The following MBNL3 variants were observed in gnomAD, a reference collection of about 807,000 sequenced individuals.
MBNL3 encodes muscleblind-like protein 3.
Under a neutral mutation model 24.5 loss-of-function variants are expected in MBNL3, and 6 were observed. That is an observed-to-expected ratio of 0.25 (90% CI 0.13 to 0.48). MBNL3 has a LOEUF of 0.48. MBNL3 is among the 20% of genes least tolerant of loss of function. The probability of loss-of-function intolerance (pLI) is 0.99; values close to 1 mark genes in which losing one functional copy is unlikely to be tolerated. For synonymous variants in MBNL3, 100 were observed against 101.7 expected (o/e 0.98, Z 0.10); for missense variants, 230 against 293.5 (o/e 0.78, Z 1.58).
intron 1 of MBNL3, among the ~76,000 whole-genome samples, chrX:132,457,144 C>A (rs756749579): frequency 9.0e-6 from 1 of 111,682 alleles, no homozygotes; most frequent in South Asian, 3.7e-4. Flanking sequence ...CTGTTGCTAA[C>A]TTGTAAATTT....
chrX:132,395,210 G>A (rs746967902), intron 3 of MBNL3, among the ~76,000 whole-genome samples: 45 of 111,073 alleles, frequency 4.1e-4, no homozygotes, highest in Non-Finnish European at 2.1e-4. Flanking sequence ...ACATTCAAGG[G>A]CTTAGCGTTG....
At chrX:132,390,262 CAACAAAA>C (rs1267725366) in intron 5 of MBNL3, among the ~76,000 whole-genome samples, 1 of 33,588 alleles carries the variant, frequency 3.0e-5, no homozygotes, top group Non-Finnish European at 4.9e-5. Context: ...ACAACAACAA[CAACAAAA>C]AAAAAAAAAA....
intron 1 of MBNL3, among the ~76,000 whole-genome samples, chrX:132,457,820 A>G (rs1946445029): frequency 8.9e-6 from 1 of 111,851 alleles, no homozygotes; most frequent in Non-Finnish European, 1.9e-5. Context: ...ATGTACTACT[A>G]AACAATTGTT....
At chrX:132,474,814 T>C (rs1347642792) in intron 1 of MBNL3, among the ~76,000 whole-genome samples, 1 of 110,978 alleles carries the variant, frequency 9.0e-6, no homozygotes, top group African/African-American at 3.3e-5. Flanking sequence ...TCATCATATA[T>C]CTGAAAAAAA....
At chrX:132,466,165 T>C (rs1261832331) in intron 1 of MBNL3, among the ~76,000 whole-genome samples, 2 of 112,463 alleles carry the variant, frequency 1.8e-5, no homozygotes, top group Non-Finnish European at 3.8e-5. Flanking sequence ...ATTTCTGAAG[T>C]GATTTGTAAA....
intron 1 of MBNL3, among the ~76,000 whole-genome samples, chrX:132,444,907 C>T (rs752929342): frequency 6.3e-5 from 7 of 111,638 alleles, no homozygotes; most frequent in African/African-American, 2.3e-4. Flanking sequence ...GAAACAGTAA[C>T]TTGTCCTAGA....
chrX:132,375,164 G>T lies in MBNL3; in HGVS notation c.*4502C>A, dbSNP rs1280585145. 9.0e-6 allele frequency: 1 copy of T among 111,704 alleles called. No homozygotes were observed. Among genetic ancestry groups the T allele is most frequent in the Non-Finnish European group, 1.9e-5 (1 of 52,974 alleles). 9.2% of individuals were successfully genotyped at this position (111,704 alleles called of 1,213,427 possible). On this transcript the variant is annotated 3_prime_UTR_variant, in exon 9 of 9. Transcript: ENST00000370853. ...GCTGTATTTTCTACAGGCTCATACTGTCACAAATCACCTATAGTTTACAAG... is the reference window on the plus strand; with the variant it reads ...GCTGTATTTTCTACAGGCTCATACTTTCACAAATCACCTATAGTTTACAAG...
intron 2 of MBNL3, chrX:132,431,058 C>A (rs1318663374): frequency 1.8e-5 from 2 of 112,201 alleles, no homozygotes; most frequent in African/African-American, 6.5e-5. Flanking sequence ...CATGAGCCAG[C>A]CACCATGCCT....
At chrX:132,470,003 A>G (rs1947093515) in intron 1 of MBNL3, among the ~76,000 whole-genome samples, 1 of 111,655 alleles carries the variant, frequency 9.0e-6, no homozygotes, top group Non-Finnish European at 1.9e-5. Context: ...CATTTAATAC[A>G]ATGTTTTTAA....
At chrX:132,443,104 A>G (rs1945474561) in intron 1 of MBNL3, among the ~76,000 whole-genome samples, 1 of 112,443 alleles carries the variant, frequency 8.9e-6, no homozygotes. Flanking sequence ...AAAGCAGAAC[A>G]TGAAAAGTTA....
At chrX:132,460,802 A>G (rs377698934) in intron 1 of MBNL3, among the ~76,000 whole-genome samples, 1 of 110,930 alleles carries the variant, frequency 9.0e-6, no homozygotes, top group African/African-American at 3.3e-5. Context: ...TGGTGCACCC[A>G]TTACCCGAGA....
intron 2 of MBNL3, among the ~76,000 whole-genome samples, chrX:132,420,013 A>G (rs1943644848): frequency 9.0e-6 from 1 of 110,867 alleles, no homozygotes; most frequent in African/African-American, 3.3e-5. Flanking sequence ...TTGTTCTTAG[A>G]GCTCCTAAGA....
Position 132,439,675 on chromosome X carries a change from G to A in MBNL3, c.-64C>T. On this transcript the variant is annotated 5_prime_UTR_variant, in exon 2 of 9. Transcript: ENST00000370853. ...GACAATATTACTGTGGACTATTAAA[G>A]GATTAAAAATGAATTCAAACTAAGT... 5 of 1,077,106 alleles carry A rather than the reference G, an allele frequency of 4.6e-6. No homozygotes were observed. The highest frequency in any genetic ancestry group is 3.4e-5 in the East Asian group (1 of 29,546). The allele number at this position is 1,077,106 out of a possible 1,213,427, so 88.8% of individuals were successfully genotyped here. A position where few individuals can be genotyped will look rare whatever the true frequency, so the allele number is the denominator to read the frequency against.
chrX:132,450,312 G>C (rs1946027288), intron 1 of MBNL3, among the ~76,000 whole-genome samples: 1 of 111,406 alleles, frequency 9.0e-6, no homozygotes, highest in Non-Finnish European at 1.9e-5. Context: ...TCAAACTTAG[G>C]TTTGGTCTTT....
Position 132,372,386 on chromosome X carries a change from T to G in MBNL3, c.*7280A>C, listed in dbSNP as rs1488270657. On this transcript the variant is annotated 3_prime_UTR_variant, in exon 9 of 9. Coordinates refer to ENST00000370853, the MANE Select transcript of MBNL3 (RefSeq NM_001386889.1). ...TATATTTAGGAAAATCCTTCAAAAG[T>G]TTTTTAATTTAAATCATTGTAATTT... 1.8e-5 allele frequency: 2 copies of G among 109,754 alleles called. No homozygotes were observed. The highest frequency in any genetic ancestry group is 3.8e-5 in the Non-Finnish European group (2 of 52,554). 9.0% of individuals were successfully genotyped at this position (109,754 alleles called of 1,213,427 possible). A position where few individuals can be genotyped will look rare whatever the true frequency, so the allele number is the denominator to read the frequency against.
chrX:132,444,942 A>G (rs1437189989), intron 1 of MBNL3, among the ~76,000 whole-genome samples: 1 of 111,611 alleles, frequency 9.0e-6, no homozygotes, highest in Non-Finnish European at 1.9e-5. Flanking sequence ...CACTGCCATC[A>G]GCTACTTTTG....
At chrX:132,389,294 T>C (rs1360953713) in intron 5 of MBNL3, among the ~76,000 whole-genome samples, 1 of 111,974 alleles carries the variant, frequency 8.9e-6, no homozygotes, top group Non-Finnish European at 1.9e-5. Context: ...TGACAAAAAG[T>C]GGAGCCAGTC....
intron 1 of MBNL3, among the ~76,000 whole-genome samples, chrX:132,454,765 A>C (rs1489126489): frequency 8.9e-6 from 1 of 112,346 alleles, no homozygotes; most frequent in Non-Finnish European, 1.9e-5. Context: ...ACATATCTAC[A>C]AACCAACTGC....
chrX:132,383,065 C>T (rs753992323), intron 7 of MBNL3, among the ~76,000 whole-genome samples: 2 of 112,089 alleles, frequency 1.8e-5, no homozygotes, highest in Non-Finnish European at 3.8e-5. Flanking sequence ...ATTTAGAAAG[C>T]GTTTTGGGTG....
Sources: allele counts gnomAD v4.1 joint callset (sites outside exome capture counted in the v4.1 genomes callset), GRCh38; gene constraint gnomAD v4.1.1; transcripts MANE v1.5; gene names NCBI Gene and HGNC (gene_info 2026-07-23, HGNC 2026-07-21).